The following SRPK2 variants were observed in gnomAD, a reference collection of about 807,000 sequenced individuals.
SRPK2 encodes the protein SFRS protein kinase 2.
In SRPK2, 21 loss-of-function variants were observed where a neutral mutation model predicts 90.8. That is an observed-to-expected ratio of 0.23 (90% confidence interval 0.16 to 0.33). SRPK2 has a LOEUF of 0.33. Among genes scored for constraint, SRPK2 ranks in the 10% least tolerant of loss-of-function variants. The pLI, the probability that SRPK2 is intolerant of heterozygous loss-of-function variation, is 1.00. For synonymous variants in SRPK2, 288 were observed against 311.1 expected (o/e 0.93, Z 0.78); for missense variants, 620 against 869.0 (o/e 0.71, Z 3.60).
intron 2 of SRPK2, among the ~76,000 whole-genome samples, chr7:105,386,649 G>A (rs753973617): frequency 5.3e-5 from 8 of 152,178 alleles, no homozygotes; most frequent in Admixed American, 2.6e-4. Flanking sequence ...CCTGGGAGGC[G>A]GAGGTTGCAG....
At chr7:105,339,006 G>C (rs994188516) in intron 2 of SRPK2, among the ~76,000 whole-genome samples, 1 of 152,060 alleles carries the variant, frequency 6.6e-6, no homozygotes, top group Non-Finnish European at 1.5e-5. Context: ...GATTTTGAAA[G>C]GAATAATAAT....
chr7:105,135,097 C>T (rs759883548), intron 11 of SRPK2, among the ~76,000 whole-genome samples: 10 of 152,142 alleles, frequency 6.6e-5, no homozygotes, highest in Non-Finnish European at 1.5e-4. Flanking sequence ...ATGAACAACA[C>T]TAGACATGAC....
chr7:105,380,802 G>A (rs971163181), intron 2 of SRPK2, among the ~76,000 whole-genome samples: 2 of 151,928 alleles, frequency 1.3e-5, no homozygotes, highest in East Asian at 1.9e-4. Context: ...GATTACAGGC[G>A]TAAGCTACCA....
intron 2 of SRPK2, among the ~76,000 whole-genome samples, chr7:105,228,847 C>A (rs1171508641): frequency 1.3e-5 from 2 of 152,234 alleles, no homozygotes; most frequent in Non-Finnish European, 2.9e-5. Flanking sequence ...ATCCCGCACT[C>A]GCTCGCTCAC....
At chr7:105,261,920 C>A (rs1281396572) in intron 2 of SRPK2, among the ~76,000 whole-genome samples, 1 of 152,050 alleles carries the variant, frequency 6.6e-6, no homozygotes, top group Non-Finnish European at 1.5e-5. Context: ...AGCAAAACAG[C>A]CAGGACATGA....
chr7:105,291,039 C>T (rs1432028969), intron 2 of SRPK2, among the ~76,000 whole-genome samples: 4 of 96,428 alleles, frequency 4.1e-5, no homozygotes, highest in Non-Finnish European at 6.4e-5. Context: ...AGCGAGACTC[C>T]GTCTCAAAAA....
chr7:105,337,998 T>C (rs1815304196), intron 2 of SRPK2, among the ~76,000 whole-genome samples: 1 of 151,828 alleles, frequency 6.6e-6, no homozygotes, highest in Middle Eastern at 3.4e-3. Context: ...GCCAAGTACT[T>C]AGGGGTTTCA....
intron 3 of SRPK2, among the ~76,000 whole-genome samples, chr7:105,177,901 C>A (rs1213027562): frequency 2.0e-5 from 3 of 151,300 alleles, no homozygotes; most frequent in Non-Finnish European, 4.4e-5. Flanking sequence ...TAGTGGCGGG[C>A]GCCTGTAGTC....
chr7:105,332,383 C>CA (rs1313728154), intron 2 of SRPK2, among the ~76,000 whole-genome samples: 2 of 151,686 alleles, frequency 1.3e-5, no homozygotes, highest in South Asian at 2.1e-4. Flanking sequence ...CTTCTATTTC[C>CA]AAAAAAAATT....
At chr7:105,303,085 T>TG (rs894086554) in intron 2 of SRPK2, among the ~76,000 whole-genome samples, 12 of 147,996 alleles carry the variant, frequency 8.1e-5, no homozygotes, top group Admixed American at 2.7e-4. Context: ...AAAAAAAAGG[T>TG]GGGGGGGAGA....
At chr7:105,301,996 A>T (rs1810607822) in intron 2 of SRPK2, 2 of 1,600,716 alleles carry the variant, frequency 1.2e-6, no homozygotes, top group African/African-American at 2.7e-5. Flanking sequence ...TGGCAGACAA[A>T]ACAGATCACA....
In SRPK2 at chr7:105,398,541, G is replaced by A. The variant is rs141826745; in HGVS notation, n.153+615C>T. Reference sequence around the variant, plus strand: ...TGGGATTACAGGCATATGCCACCACGCCTAGCTAATTTTTGTATTTTTAGT... The same window carrying A: ...TGGGATTACAGGCATATGCCACCACACCTAGCTAATTTTTGTATTTTTAGT... On this transcript the variant is annotated intron_variant and non_coding_transcript_variant, in intron 1 of 3. Coordinates refer to the SRPK2 transcript ENST00000462282. Among the ~76,000 whole-genome samples the A allele has an allele frequency of 1.9e-3, 293 of 152,164 alleles. 1 individual carries two copies. Among genetic ancestry groups the A allele is most frequent in the African/African-American group, 6.8e-3 (283 of 41,522 alleles).
In SRPK2 at chr7:105,129,433, G is replaced by A. The variant is rs74445065; in HGVS notation, c.1753-2371C>T. Among the ~76,000 whole-genome samples the A allele has an allele frequency of 1.4e-3, 213 of 152,168 alleles. 2 individuals are homozygous for A. In the East Asian group the frequency reaches 0.02, roughly 14 times the overall value. On this transcript the variant is annotated intron_variant, in intron 13 of 15. Coordinates refer to ENST00000393651, the MANE Select transcript of SRPK2 (RefSeq NM_182692.3). ...TTCTATTGCCCAGGCTGAGTGCAGC[G>A]GCACAATTTTGGCTCACTACAACCT...
chr7:105,249,306 C>T (rs950933209), intron 2 of SRPK2, among the ~76,000 whole-genome samples: 5 of 152,008 alleles, frequency 3.3e-5, no homozygotes, highest in Admixed American at 2.6e-4. Flanking sequence ...TTTTTTTAAT[C>T]TACAAAGTGA....
At chr7:105,344,909 G>A (rs1018470173) in intron 2 of SRPK2, among the ~76,000 whole-genome samples, 2 of 151,856 alleles carry the variant, frequency 1.3e-5, no homozygotes, top group African/African-American at 4.8e-5. Flanking sequence ...GCCGAAGTGG[G>A]TGGATCACCA....
At chr7:105,115,567 G>C (rs185014914), downstream of SRPK2, 3 of 152,268 alleles carry the variant, frequency 2.0e-5, no homozygotes, top group Non-Finnish European at 4.4e-5. Context: ...ATAATGTTTA[G>C]CATAACCAGT....
chr7:105,269,105 A>G (rs1805488807), intron 2 of SRPK2: 1 of 1,144,572 alleles, frequency 8.7e-7, no homozygotes, highest in African/African-American at 1.5e-5. Flanking sequence ...CATTTCTTTA[A>G]AGCAGAGGGG....
intron 7 of SRPK2, among the ~76,000 whole-genome samples, chr7:105,153,375 T>TA (rs1806019716): frequency 1.3e-5 from 2 of 152,172 alleles, no homozygotes; most frequent in African/African-American, 4.8e-5. Flanking sequence ...GGGGCTTGGT[T>TA]AAAATGGTCT....
chr7:105,162,895 A>C (rs1435533003), intron 6 of SRPK2, among the ~76,000 whole-genome samples: 1 of 152,228 alleles, frequency 6.6e-6, no homozygotes, highest in Non-Finnish European at 1.5e-5. Flanking sequence ...GTTTCTCCAA[A>C]GAAATGTTCT....
Sources: gnomAD v4.1 joint callset for allele counts (sites outside exome capture counted in the v4.1 genomes callset) on GRCh38, gnomAD v4.1.1 for gene constraint, MANE v1.5 for transcripts, NCBI Gene and HGNC (gene_info 2026-07-23, HGNC 2026-07-21) for gene names.